Variants in LRIG3 observed in about 807,000 individuals in gnomAD.
LRIG3 encodes leucine rich repeats and immunoglobulin like domains 3.
Under a neutral mutation model 114.5 loss-of-function variants are expected in LRIG3, and 76 were observed. That is an observed-to-expected ratio of 0.66 (90% CI 0.55 to 0.80). LRIG3 has a LOEUF of 0.80. Ranked by LOEUF, LRIG3 falls within the 30% of genes least tolerant of loss-of-function variation. The probability of loss-of-function intolerance (pLI) is 0.00; values close to 1 mark genes in which losing one functional copy is unlikely to be tolerated. For synonymous variants in LRIG3, 512 were observed against 519.8 expected (o/e 0.98, Z 0.20); for missense variants, 1,239 against 1,382.8 (o/e 0.90, Z 1.65).
chr12:58,901,627 C>T lies in LRIG3; in HGVS notation c.384-10831G>A, dbSNP rs79426159. 8.9e-3 allele frequency among the ~76,000 whole-genome samples: 1,361 copies of T among 152,246 alleles called. 25 individuals carry two copies. The highest frequency in any genetic ancestry group is 0.031 in the African/African-American group (1,294 of 41,526). On this transcript the variant is annotated intron_variant, in intron 3 of 18. Transcript: ENST00000320743. ...TGCCATTGGACAGCACTTGTCTATA[C>T]CCCATGTCATACAAGAAATGGGAAT...
chr12:58,877,002 C>T (rs1870945007), intron 15 of LRIG3, among the ~76,000 whole-genome samples: 1 of 152,212 alleles, frequency 6.6e-6, no homozygotes, highest in Admixed American at 6.5e-5. Context: ...CAAGTCACAG[C>T]TCCTCTTCCA....
At chr12:58,905,761 C>T (rs1474312842) in intron 3 of LRIG3, among the ~76,000 whole-genome samples, 1 of 152,172 alleles carries the variant, frequency 6.6e-6, no homozygotes, top group African/African-American at 2.4e-5. Context: ...TTCAGGCCCC[C>T]TTGACACAAG....
chr12:58,914,548 C>T, intron 1 of LRIG3: 1 of 523,232 alleles, frequency 1.9e-6, no homozygotes, highest in Admixed American at 3.3e-5. Flanking sequence ...GATTCAAATA[C>T]TTTAAGCCCA....
At chr12:58,912,292 C>G (rs1295743444) in intron 3 of LRIG3, among the ~76,000 whole-genome samples, 1 of 152,052 alleles carries the variant, frequency 6.6e-6, no homozygotes, top group Non-Finnish European at 1.5e-5. Flanking sequence ...GTCAGGAGAT[C>G]GAGACCATCC....
At chr12:58,880,473 G>A (rs1300510077) in intron 13 of LRIG3, 108 bp downstream of exon 13, 3 of 1,070,120 alleles carry the variant, frequency 2.8e-6, no homozygotes, top group Admixed American at 2.1e-5. Flanking sequence ...AGAGTCAGGT[G>A]GGGAACTGTG....
intron 2 of LRIG3, 31 bp downstream of exon 2, chr12:58,914,228 TTACTCA>T (rs761296396): frequency 6.3e-7 from 1 of 1,598,786 alleles, no homozygotes; most frequent in Non-Finnish European, 8.6e-7. Context: ...GTAACGTATT[TTACTCA>T]AACCTTAAAA....
rs1872636240 is a variant in LRIG3, at chr12:58,920,498, T to A, written c.-263A>T. On this transcript the variant is annotated 5_prime_UTR_variant, in exon 1 of 19. Coordinates refer to ENST00000320743, the MANE Select transcript of LRIG3 (RefSeq NM_153377.5). ...GCGTCGGCTCGCCGAAGCCCCTTCT[T>A]GTCTGCAAAAGAAACTTTTTCGCCT... is the stretch of plus-strand genomic sequence containing the variant. The A allele has an allele frequency of 2.9e-6, 1 of 342,756 alleles. No individual in the cohort carries two copies. Among genetic ancestry groups the A allele is most frequent in the Admixed American group, 4.8e-5 (1 of 20,736 alleles). The allele number at this position is 342,756 out of a possible 1,614,324, so 21.2% of individuals were successfully genotyped here.
intron 15 of LRIG3, among the ~76,000 whole-genome samples, chr12:58,877,123 A>G (rs1437119713): frequency 6.6e-6 from 1 of 152,200 alleles, no homozygotes; most frequent in Admixed American, 6.5e-5. Context: ...CTCCATCACT[A>G]TCTTATGAAG....
intron 12 of LRIG3, among the ~76,000 whole-genome samples, chr12:58,881,265 T>C (rs1271355047): frequency 6.6e-6 from 1 of 152,186 alleles, no homozygotes; most frequent in Non-Finnish European, 1.5e-5. Flanking sequence ...TGAATGCTAC[T>C]ATCAGAAACT....
rs72005968 is a variant in LRIG3, at chr12:58,914,067, C to CA, written c.309-12dup. ...TTGTTGTTCAGTTTCCTACAAATGCCAAAAAAAAAAAGAAAAAGAAAAGCT... is the reference window on the plus strand; with the variant it reads ...TTGTTGTTCAGTTTCCTACAAATGCCAAAAAAAAAAAAGAAAAAGAAAAGCT... On this transcript the variant is annotated splice_polypyrimidine_tract_variant and intron_variant, in intron 2 of 18. Transcript: ENST00000320743. The CA allele has an allele frequency of 0.037, 39,767 of 1,063,672 alleles. 4 individuals carry two copies. Among genetic ancestry groups the CA allele is most frequent in the Non-Finnish European group, 0.041 (31,666 of 765,696 alleles). The allele number at this position is 1,063,672 out of a possible 1,614,324, so 65.9% of individuals were successfully genotyped here.
chr12:58,907,827 T>C (rs1433301288), intron 3 of LRIG3, among the ~76,000 whole-genome samples: 1 of 152,186 alleles, frequency 6.6e-6, no homozygotes, highest in Non-Finnish European at 1.5e-5. Context: ...TACTCGATTC[T>C]TAGTGAGCAC....
chr12:58,885,416 A>T (rs956768149), intron 10 of LRIG3, among the ~76,000 whole-genome samples: 1 of 152,188 alleles, frequency 6.6e-6, no homozygotes, highest in African/African-American at 2.4e-5. Flanking sequence ...CCTCCGCTTA[A>T]CAATAAAGAT....
rs1402887811 is a variant in LRIG3, at chr12:58,890,068, A to G, written c.587T>C (p.Val196Ala). 1.2e-6 allele frequency: 2 copies of G among 1,613,868 alleles called. No homozygotes were observed. Among genetic ancestry groups the G allele is most frequent in the Non-Finnish European group, 1.7e-6 (2 of 1,179,906 alleles). Residue 196 changes from valine to alanine, a missense_variant, in exon 5 of 19, where the codon GTG (valine) becomes GCG (alanine). By Grantham distance (64) the Val-to-Ala change is moderately conservative. Coordinates refer to ENST00000320743, the MANE Select transcript of LRIG3 (RefSeq NM_153377.5). ...GATTCGGTTCCTGTTCAGCTTTAAC[A>G]CAAGGAGTGTGTTGGCCAAATTGTC... ...YFDNLANTLL[V>A]LKLNRNRISA...
At position 58,872,166 on chromosome 12, in the gene LRIG3, C is replaced by T. The variant is rs2120858439; in HGVS notation, c.*406G>A. 1 of 152,684 alleles carries T rather than the reference C, an allele frequency of 6.5e-6. No homozygotes were observed. The highest frequency in any genetic ancestry group is 6.5e-5 in the Admixed American group (1 of 15,312). 9.5% of individuals were successfully genotyped at this position (152,684 alleles called of 1,614,324 possible). Reference sequence around the variant, plus strand: ...AATGGGGCTTGGCATCAAATTGACACATTTTATTAAATATAATGTGCAAAA... The same window carrying T: ...AATGGGGCTTGGCATCAAATTGACATATTTTATTAAATATAATGTGCAAAA... On this transcript the variant is annotated 3_prime_UTR_variant, in exon 19 of 19. Coordinates refer to ENST00000320743, the MANE Select transcript of LRIG3 (RefSeq NM_153377.5).
rs542192109 is a variant in LRIG3 at position 58,914,616 on chromosome 12, C to T, written c.237-280G>A. On this transcript the variant is annotated intron_variant, in intron 1 of 18. Transcript: ENST00000320743. Reference sequence around the variant, plus strand: ...GGTGAACAGATCTTTTGTGAACTGGCAGGTCTGCTTCACCCTCCCATCTCC... The same window carrying T: ...GGTGAACAGATCTTTTGTGAACTGGTAGGTCTGCTTCACCCTCCCATCTCC... The T allele has an allele frequency of 2.1e-4, 69 of 327,596 alleles. 1 individual carries two copies. In the South Asian group the frequency reaches 3.4e-3, roughly 16 times the overall value. The allele number at this position is 327,596 out of a possible 1,614,324, so 20.3% of individuals were successfully genotyped here. A position where few individuals can be genotyped will look rare whatever the true frequency, so the allele number is the denominator to read the frequency against.
At chr12:58,911,079 C>T (rs569261115) in intron 3 of LRIG3, among the ~76,000 whole-genome samples, 1 of 152,210 alleles carries the variant, frequency 6.6e-6, no homozygotes, top group South Asian at 2.1e-4. Flanking sequence ...TTGCACCTAG[C>T]ACACTGGTTG....
rs1402330487 is a variant in LRIG3 at position 58,886,817 on chromosome 12, T to C, written c.1165A>G (p.Arg389Gly). The stretch of plus-strand genomic sequence containing the variant: ...GAGGCAATTCATACTCACAGTCGCC[T>C]CAGTTTGTCAAGCCCAGAGAAAGCA... ...NGAFSGLDKL[R>G]RLILQGNRIR... is the part of the protein sequence containing the mutation. Residue 389 changes from arginine to glycine, a missense_variant, in exon 9 of 19, where the codon AGG (arginine) becomes GGG (glycine). Arg to Gly is a moderately radical substitution (Grantham distance 125, BLOSUM62 -2). Transcript: ENST00000320743. 1 of 1,613,434 alleles carries C rather than the reference T, an allele frequency of 6.2e-7. No individual in the cohort carries two copies. Among genetic ancestry groups the C allele is most frequent in the East Asian group, 2.2e-5 (1 of 44,860 alleles).
At chr12:58,881,274 C>T (rs190687833) in intron 12 of LRIG3, among the ~76,000 whole-genome samples, 1 of 152,272 alleles carries the variant, frequency 6.6e-6, no homozygotes, top group East Asian at 1.9e-4. Flanking sequence ...CTATCAGAAA[C>T]TGCAATTGTT....
In LRIG3 at chr12:58,872,479, A is replaced by C. The variant is rs528820606; in HGVS notation, c.*93T>G. ...AAGCATTTTTATCCTTTTAAAATTC[A>C]TAACTCCATTTAAAAAACATAAGAT... On this transcript the variant is annotated 3_prime_UTR_variant, in exon 19 of 19. Coordinates refer to ENST00000320743, the MANE Select transcript of LRIG3 (RefSeq NM_153377.5). 2 of 1,358,982 alleles carry C rather than the reference A, an allele frequency of 1.5e-6. No individual in the cohort carries two copies. Among genetic ancestry groups the C allele is most frequent in the African/African-American group, 2.9e-5 (2 of 68,774 alleles). The allele number at this position is 1,358,982 out of a possible 1,614,324, so 84.2% of individuals were successfully genotyped here.
Sources: gnomAD v4.1 joint callset for allele counts (sites outside exome capture counted in the v4.1 genomes callset) on GRCh38, gnomAD v4.1.1 for gene constraint, MANE v1.5 for transcripts, NCBI Gene and HGNC (gene_info 2026-07-23, HGNC 2026-07-21) for gene names.